The following RPS6KA2 variants were observed in gnomAD, a reference collection of about 807,000 sequenced individuals.
RPS6KA2 encodes the protein ribosomal protein S6 kinase A2.
RPS6KA2 carries 42 observed loss-of-function variants against 91.8 expected under a neutral mutation model. The ratio of observed to expected loss-of-function variants is 0.46; its 90% CI spans 0.36 to 0.59. The LOEUF (loss-of-function observed/expected upper bound fraction) is 0.59. Ranked by LOEUF, RPS6KA2 falls within the 20% of genes least tolerant of loss-of-function variation. The pLI is 0.00. For synonymous variants in RPS6KA2, 414 were observed against 393.6 expected, an observed-to-expected ratio of 1.05 and a Z score of -0.61; for missense variants, 798 against 978.5, an observed-to-expected ratio of 0.82 and a Z score of 2.46.
At chr6:166,504,244 C>T (rs1482177563) in intron 6 of RPS6KA2, among the ~76,000 whole-genome samples, 1 of 152,224 alleles carries the variant, frequency 6.6e-6, no homozygotes, top group Admixed American at 6.5e-5. Flanking sequence ...CAGACATGCA[C>T]CTGAGCCTGG....
At chr6:166,577,792 C>A (rs1219065635) in intron 1 of RPS6KA2, among the ~76,000 whole-genome samples, 1 of 152,114 alleles carries the variant, frequency 6.6e-6, no homozygotes, top group Admixed American at 6.5e-5. Context: ...AATGTGAGGA[C>A]ATGAAATTTG....
rs1451581034 is a variant in RPS6KA2 at position 166,627,058 on chromosome 6, G to A, written c.-39C>T. 1.2e-5 allele frequency: 16 copies of A among 1,353,870 alleles called. No individual in the cohort carries two copies. The highest frequency in any genetic ancestry group is 1.4e-5 in the Non-Finnish European group (15 of 1,037,784). The allele number at this position is 1,353,870 out of a possible 1,614,324, so 83.9% of individuals were successfully genotyped here. On this transcript the variant is annotated 5_prime_UTR_variant, in exon 1 of 21. Coordinates refer to ENST00000265678, the MANE Select transcript of RPS6KA2 (RefSeq NM_021135.6). ...GCCCGGAGCAGCCGCAGGGCCGGGG[G>A]ACGCGCATCCCCGGCATCCCAGGCG...
At chr6:166,451,684 C>T (rs1159372909) in intron 12 of RPS6KA2, among the ~76,000 whole-genome samples, 1 of 152,180 alleles carries the variant, frequency 6.6e-6, no homozygotes, top group African/African-American at 2.4e-5. Flanking sequence ...CAGGTCCCAC[C>T]CCTGTGCCCA....
At chr6:166,550,870 G>C (rs574887326) in intron 1 of RPS6KA2, among the ~76,000 whole-genome samples, 1 of 151,574 alleles carries the variant, frequency 6.6e-6, no homozygotes, top group Non-Finnish European at 1.5e-5. Context: ...GCGTGGTGGC[G>C]GGCGCCTGTA....
At chr6:166,761,645 A>G (rs1210562731) in intron 2 of RPS6KA2, among the ~76,000 whole-genome samples, 1 of 152,178 alleles carries the variant, frequency 6.6e-6, no homozygotes, top group Non-Finnish European at 1.5e-5. Flanking sequence ...TGGAAGCAAT[A>G]TTTTGTGTCT....
intron 14 of RPS6KA2, among the ~76,000 whole-genome samples, chr6:166,438,186 T>C (rs1406014501): frequency 6.6e-6 from 1 of 152,270 alleles, no homozygotes; most frequent in Non-Finnish European, 1.5e-5. Flanking sequence ...TGTTTTATCC[T>C]GGTAGAAAAA....
chr6:166,416,201 C>G (rs564209057), intron 19 of RPS6KA2, among the ~76,000 whole-genome samples: 8 of 115,508 alleles, frequency 6.9e-5, no homozygotes, highest in Non-Finnish European at 1.3e-4. Context: ...TCTCCATCAA[C>G]CCTACCATCA....
intron 1 of RPS6KA2, among the ~76,000 whole-genome samples, chr6:166,556,099 C>G (rs1784170701): frequency 6.6e-6 from 1 of 152,188 alleles, no homozygotes; most frequent in African/African-American, 2.4e-5. Context: ...ATGCACTTAT[C>G]TGGAGCTGGT....
Position 166,597,293 on chromosome 6 carries a change from G to C in RPS6KA2, c.99+29628C>G, listed in dbSNP as rs972764856. On this transcript the variant is annotated intron_variant, in intron 1 of 20. Coordinates refer to ENST00000265678, the MANE Select transcript of RPS6KA2 (RefSeq NM_021135.6). ...CCCAAAGGACACAGCCCCCGAGGAC[G>C]AATGGGACTCAACAGGTGGAGACAG... is the stretch of plus-strand genomic sequence containing the variant. Among the ~76,000 whole-genome samples, 3 of 152,228 alleles carry C rather than the reference G, an allele frequency of 2.0e-5. 1 individual carries two copies. The South Asian group carries it at 6.2e-4, about 31-fold the overall frequency.
chr6:166,422,089 G>A (rs973344914), intron 17 of RPS6KA2, among the ~76,000 whole-genome samples: 1 of 152,036 alleles, frequency 6.6e-6, no homozygotes, highest in East Asian at 1.9e-4. Flanking sequence ...TAGTAGAGAC[G>A]GGGTTTCACC....
intron 2 of RPS6KA2, among the ~76,000 whole-genome samples, chr6:166,765,343 G>A (rs117287537): frequency 0.013 from 2,033 of 152,284 alleles, 36 homozygotes; most frequent in Admixed American, 0.046. Context: ...TCCGGGACGC[G>A]TGGTGACGAC....
intron 2 of RPS6KA2, among the ~76,000 whole-genome samples, chr6:166,680,824 G>A (rs369225954): frequency 1.7e-4 from 26 of 152,280 alleles, no homozygotes; most frequent in South Asian, 1.2e-3. Flanking sequence ...CAGGGAGACC[G>A]AGAACCCACC....
At chr6:166,446,361 T>C (rs1779679664) in intron 14 of RPS6KA2, among the ~76,000 whole-genome samples, 2 of 152,188 alleles carry the variant, frequency 1.3e-5, no homozygotes, top group African/African-American at 4.8e-5. Context: ...AATTTATGCA[T>C]CTTCCAGACT....
At chr6:166,862,210 A>T in exon 1 of RPS6KA2, 1 of 1,613,706 alleles carries the variant, frequency 6.2e-7, no homozygotes, top group African/African-American at 1.3e-5. Context: ...TATTGATAGT[A>T]GGAAAGGAAA....
At chr6:166,414,314 ATACT>A (rs1237424896) in intron 19 of RPS6KA2, among the ~76,000 whole-genome samples, 1 of 152,238 alleles carries the variant, frequency 6.6e-6, no homozygotes, top group Non-Finnish European at 1.5e-5. Flanking sequence ...AATGATGCAC[ATACT>A]TACATTTTTT....
In RPS6KA2 at chr6:166,737,341, T is replaced by G. The variant is rs1262373484; in HGVS notation, c.123+120859A>C. Among the ~76,000 whole-genome samples the G allele has an allele frequency of 6.6e-6, 1 of 152,204 alleles. No homozygotes were observed. Among genetic ancestry groups the G allele is most frequent in the Admixed American group, 6.5e-5 (1 of 15,284 alleles). Reference sequence around the variant, plus strand: ...CCTTCACCCCAGCGGCAGCCTGGTGTGATAATTGGTAGGTAACCAGTTTGC... The same window carrying G: ...CCTTCACCCCAGCGGCAGCCTGGTGGGATAATTGGTAGGTAACCAGTTTGC... On this transcript the variant is annotated intron_variant, in intron 2 of 21. Transcript: ENST00000503859. This position sits in a 1 kb window ranked among gnomAD's most constrained non-coding sequence, Gnocchi z 4.3.
At chr6:166,787,527 AT>A (rs1454573961) in intron 2 of RPS6KA2, among the ~76,000 whole-genome samples, 1 of 152,184 alleles carries the variant, frequency 6.6e-6, no homozygotes, top group Non-Finnish European at 1.5e-5. Flanking sequence ...GTTGAAAAAA[AT>A]ATACCCCCTG....
At position 166,419,835 on chromosome 6, in the gene RPS6KA2, T is replaced by A; in HGVS notation, c.1820+47A>T. 6.5e-7 allele frequency: 1 copy of A among 1,547,404 alleles called. No homozygotes were observed. The highest frequency in any genetic ancestry group is 8.9e-7 in the Non-Finnish European group (1 of 1,119,960). On this transcript the variant is annotated intron_variant, in intron 18 of 20. Coordinates refer to ENST00000265678, the MANE Select transcript of RPS6KA2 (RefSeq NM_021135.6). This position sits in a 1 kb window ranked among gnomAD's most constrained non-coding sequence, Gnocchi z 5.6. Reference sequence around the variant, plus strand: ...CCCCTGACAGATCAGCCACTGAGGCTGCTGCCCTGTGTCTCCTCCTGACAC... The same window carrying A: ...CCCCTGACAGATCAGCCACTGAGGCAGCTGCCCTGTGTCTCCTCCTGACAC...
Position 166,598,584 on chromosome 6 carries a change from G to A in RPS6KA2, c.99+28337C>T, listed in dbSNP as rs987697418. On this transcript the variant is annotated intron_variant, in intron 1 of 20. Transcript: ENST00000265678. ...CATTTGGTGAAACAGCCTGGAGTCT[G>A]CCCATCATGCACTGAGTCACGGGTG... Among the ~76,000 whole-genome samples the A allele has an allele frequency of 7.9e-5, 12 of 152,312 alleles. No homozygotes were observed. In the Middle Eastern group the frequency reaches 0.01, roughly 130 times the overall value.
Sources: gnomAD v4.1 joint callset for allele counts (sites outside exome capture counted in the v4.1 genomes callset) on GRCh38, gnomAD v4.1.1 for gene constraint, Gnocchi (gnomAD v3.1) non-coding constraint, MANE v1.5 for transcripts, NCBI Gene and HGNC (gene_info 2026-07-23, HGNC 2026-07-21) for gene names.